The following MAST4 variants were observed in gnomAD, a reference collection of about 807,000 sequenced individuals.
MAST4 encodes microtubule associated serine/threonine kinase family member 4, also known as microtubule-associated serine/threonine-protein kinase 4.
A neutral mutation model predicts 162.7 loss-of-function variants in MAST4; 89 were observed. The observed-to-expected ratio is 0.55, with a 90% CI of 0.46 to 0.65. The LOEUF is 0.65. MAST4 is among the 30% of genes least tolerant of loss of function. MAST4 has a pLI of 0.00. For synonymous variants in MAST4, 1,479 were observed against 1,361.1 expected (o/e 1.09, Z -1.91); for missense variants, 3,153 against 3,374.0 (o/e 0.93, Z 1.62).
At chr5:67,118,573 G>A (rs1767200670) in intron 12 of MAST4, 109 bp from the exon 13 acceptor site, 1 of 686,414 alleles carries the variant, frequency 1.5e-6, no homozygotes, top group African/African-American at 1.8e-5. Context: ...TTGGAGTATA[G>A]AGCAATTTTT....
chr5:66,619,671 A>G (rs1398968250), intron 1 of MAST4, among the ~76,000 whole-genome samples: 1 of 152,088 alleles, frequency 6.6e-6, no homozygotes, highest in Non-Finnish European at 1.5e-5. Context: ...TCTGGGGAAT[A>G]TTTTAAATTT....
intron 3 of MAST4, among the ~76,000 whole-genome samples, chr5:66,845,567 A>G (rs916017403): frequency 8.5e-5 from 13 of 152,278 alleles, no homozygotes; most frequent in African/African-American, 3.1e-4. Flanking sequence ...TAGTGCCACA[A>G]TAAACATACG....
At position 67,082,168 on chromosome 5, in the gene MAST4, G is replaced by C. The variant is rs189409356; in HGVS notation, c.764-7994G>C. Among the ~76,000 whole-genome samples, 235 of 36,176 alleles carry C rather than the reference G, an allele frequency of 6.5e-3. 3 individuals are homozygous for C. The East Asian group carries it at 0.14, about 21-fold the overall frequency. The allele number at this position is 36,176 out of a possible 152,430, so 23.7% of individuals were successfully genotyped here. ...TAATCTTTTTTTTTTTTTTTTTTTTGAGACGGAGTCTCACTCTGTCGTCAG... is the reference window on the plus strand; with the variant it reads ...TAATCTTTTTTTTTTTTTTTTTTTTCAGACGGAGTCTCACTCTGTCGTCAG... On this transcript the variant is annotated intron_variant, in intron 5 of 28. Coordinates refer to ENST00000403625, the MANE Select transcript of MAST4 (RefSeq NM_001164664.2).
At chr5:66,693,867 C>T (rs1366079601) in intron 1 of MAST4, among the ~76,000 whole-genome samples, 3 of 152,070 alleles carry the variant, frequency 2.0e-5, no homozygotes, top group African/African-American at 7.2e-5. Context: ...GAAGTTCTTA[C>T]CCAAAGTTGT....
In MAST4 at chr5:66,596,602, T is replaced by C; in HGVS notation, c.-54T>C. On this transcript the variant is annotated 5_prime_UTR_variant, in exon 1 of 29. Transcript: ENST00000403625. The stretch of plus-strand genomic sequence containing the variant: ...AGCCCGCGTCTTCCCCGGGAGGCGC[T>C]GAGTGCGCGCCGCGCCCCCGCCGCT... The C allele has an allele frequency of 7.2e-7, 1 of 1,381,610 alleles. No homozygotes were observed. Among genetic ancestry groups the C allele is most frequent in the Non-Finnish European group, 9.3e-7 (1 of 1,071,524 alleles). 85.6% of individuals were successfully genotyped at this position (1,381,610 alleles called of 1,614,324 possible).
chr5:67,021,122 A>G (rs1753923050), intron 4 of MAST4, among the ~76,000 whole-genome samples: 2 of 152,184 alleles, frequency 1.3e-5, no homozygotes, highest in South Asian at 4.1e-4. Context: ...CTCTTTCAAG[A>G]AAGTTAGTTT....
At chr5:67,127,903 ATTTCCTAGTCT>A (rs1040242274) in intron 14 of MAST4, among the ~76,000 whole-genome samples, 6 of 152,238 alleles carry the variant, frequency 3.9e-5, no homozygotes, top group African/African-American at 1.4e-4. Flanking sequence ...ATATACATAA[ATTTCCTAGTCT>A]TTTGTTGGAA....
At chr5:66,929,793 C>T (rs552655686) in intron 4 of MAST4, among the ~76,000 whole-genome samples, 1 of 152,140 alleles carries the variant, frequency 6.6e-6, no homozygotes, top group East Asian at 1.9e-4. Flanking sequence ...CTGTATTGGT[C>T]CATGAAATAA....
At chr5:66,768,365 C>T (rs1443845445) in intron 2 of MAST4, among the ~76,000 whole-genome samples, 2 of 152,108 alleles carry the variant, frequency 1.3e-5, no homozygotes, top group African/African-American at 4.8e-5. Flanking sequence ...AGGAGGGGCA[C>T]TTCCCACATT....
At chr5:66,906,310 T>C (rs1763350514) in intron 4 of MAST4, among the ~76,000 whole-genome samples, 1 of 152,194 alleles carries the variant, frequency 6.6e-6, no homozygotes, top group African/African-American at 2.4e-5. Flanking sequence ...TGGAATGCCA[T>C]TGGCTGAAAA....
chr5:66,998,574 T>G (rs1276880968), intron 4 of MAST4, among the ~76,000 whole-genome samples: 1 of 152,200 alleles, frequency 6.6e-6, no homozygotes, highest in East Asian at 1.9e-4. Flanking sequence ...GGTCAGTCTT[T>G]AAAATATTAG....
chr5:66,601,816 A>G (rs1462037271), intron 1 of MAST4, among the ~76,000 whole-genome samples: 1 of 152,164 alleles, frequency 6.6e-6, no homozygotes, highest in Non-Finnish European at 1.5e-5. Flanking sequence ...AAGAAGTGAC[A>G]TGATCAGATT....
chr5:67,097,672 G>A (rs1378706729), intron 7 of MAST4, among the ~76,000 whole-genome samples: 1 of 151,966 alleles, frequency 6.6e-6, no homozygotes, highest in African/African-American at 2.4e-5. Context: ...GCTCTTCTCT[G>A]AAGTGTTTAT....
chr5:66,763,149 A>G (rs1753929910), intron 2 of MAST4, among the ~76,000 whole-genome samples: 1 of 152,216 alleles, frequency 6.6e-6, no homozygotes, highest in South Asian at 2.1e-4. Context: ...ATTTGAACCC[A>G]GGCATCATGG....
chr5:66,798,920 G>T (rs1755783528), intron 3 of MAST4, among the ~76,000 whole-genome samples: 1 of 152,148 alleles, frequency 6.6e-6, no homozygotes, highest in Admixed American at 6.6e-5. Context: ...ATACAGTGAT[G>T]AAGTTTAGCT....
At chr5:67,088,208 G>A (rs185978914) in intron 5 of MAST4, among the ~76,000 whole-genome samples, 2 of 152,212 alleles carry the variant, frequency 1.3e-5, no homozygotes, top group East Asian at 1.9e-4. Context: ...TGTTCTAGTT[G>A]ATCACGTTGT....
At chr5:66,777,803 A>G (rs938605352) in intron 2 of MAST4, among the ~76,000 whole-genome samples, 1 of 151,924 alleles carries the variant, frequency 6.6e-6, no homozygotes, top group African/African-American at 2.4e-5. Context: ...AGCTGGGGAG[A>G]GGGAGGATGA....
At chr5:66,854,080 G>A (rs1357815266) in intron 3 of MAST4, among the ~76,000 whole-genome samples, 2 of 152,118 alleles carry the variant, frequency 1.3e-5, no homozygotes, top group African/African-American at 2.4e-5. Context: ...AAAAGATGGT[G>A]TCTCCTCATA....
At chr5:66,966,723 C>G (rs1746778617) in intron 4 of MAST4, among the ~76,000 whole-genome samples, 1 of 152,116 alleles carries the variant, frequency 6.6e-6, no homozygotes, top group African/African-American at 2.4e-5. Context: ...GGCTGGTGCC[C>G]AGGAAAAGGA....
Sources: allele counts gnomAD v4.1 joint callset (sites outside exome capture counted in the v4.1 genomes callset), GRCh38; gene constraint gnomAD v4.1.1; transcripts MANE v1.5; gene names NCBI Gene and HGNC (gene_info 2026-07-23, HGNC 2026-07-21).